Variants in VRK2 observed in about 807,000 individuals in gnomAD.
VRK2 encodes the protein VRK serine/threonine kinase 2, also known as serine/threonine-protein kinase VRK2.
VRK2 carries 60 observed loss-of-function variants against 57.6 expected under a neutral mutation model. The observed-to-expected ratio is 1.04, with a 90% CI of 0.85 to 1.29. The LOEUF (loss-of-function observed/expected upper bound fraction) is 1.29, where lower values mean the gene tolerates loss of function less well. VRK2 is among the 50% of genes most tolerant of loss of function. The pLI is 0.00. For missense variants in VRK2, 705 were observed against 588.1 expected (o/e 1.20, Z -2.06); for synonymous variants, 231 against 199.2 (o/e 1.16, Z -1.35).
chr2:58,059,673 T>A (rs1159533970), intron 2 of VRK2, among the ~76,000 whole-genome samples: 4 of 151,946 alleles, frequency 2.6e-5, no homozygotes, highest in African/African-American at 7.2e-5. Context: ...TATTTCAAGA[T>A]ATTATACAGT....
intron 1 of VRK2, among the ~76,000 whole-genome samples, chr2:58,019,352 C>T (rs887879383): frequency 3.9e-5 from 6 of 152,026 alleles, no homozygotes; most frequent in African/African-American, 1.4e-4. Flanking sequence ...CAGCAGTGGT[C>T]CCATACATGT....
intron 7 of VRK2, among the ~76,000 whole-genome samples, chr2:58,094,313 C>G (rs1672811668): frequency 6.6e-6 from 1 of 152,138 alleles, no homozygotes; most frequent in Non-Finnish European, 1.5e-5. Context: ...AATGTTCTTC[C>G]ATTTGTTTGT....
At chr2:58,040,988 G>A in intron 3 of VRK2, 1 of 957,418 alleles carries the variant, frequency 1.0e-6, no homozygotes, top group Non-Finnish European at 1.2e-6. Context: ...TGAACATTCA[G>A]CTTCTGCTTA....
intron 7 of VRK2, among the ~76,000 whole-genome samples, chr2:58,090,994 G>T (rs1160139553): frequency 6.6e-6 from 1 of 152,224 alleles, no homozygotes; most frequent in Non-Finnish European, 1.5e-5. Flanking sequence ...ATGACATTCT[G>T]GAAAAGGCAA....
chr2:58,060,215 T>C (rs183594788), intron 2 of VRK2, among the ~76,000 whole-genome samples: 21 of 151,926 alleles, frequency 1.4e-4, no homozygotes, highest in Admixed American at 3.9e-4. Flanking sequence ...AATGTTGCTG[T>C]GTGATGAAAA....
chr2:58,023,663 C>T (rs1673832131), intron 1 of VRK2, among the ~76,000 whole-genome samples: 1 of 151,918 alleles, frequency 6.6e-6, no homozygotes, highest in Non-Finnish European at 1.5e-5. Context: ...CAAGGAAATC[C>T]CCAAAGCTTA....
intron 1 of VRK2, among the ~76,000 whole-genome samples, chr2:58,010,732 C>A (rs992479129): frequency 2.0e-5 from 3 of 152,128 alleles, no homozygotes; most frequent in African/African-American, 7.2e-5. Flanking sequence ...TTGTATCCCT[C>A]CCACCCCACA....
At chr2:57,921,673 T>C (rs2103907667) in intron 1 of VRK2, among the ~76,000 whole-genome samples, 1 of 152,276 alleles carries the variant, frequency 6.6e-6, no homozygotes, top group Middle Eastern at 3.4e-3. Context: ...AAGCAACTGC[T>C]AGTTCCCATA....
chr2:57,937,520 T>G (rs1044657327), intron 1 of VRK2, among the ~76,000 whole-genome samples: 14 of 152,242 alleles, frequency 9.2e-5, no homozygotes, highest in Non-Finnish European at 1.6e-4. Flanking sequence ...ATATTTTGAA[T>G]AGTGTAAGTG....
intron 1 of VRK2, among the ~76,000 whole-genome samples, chr2:57,933,711 T>C (rs545639652): frequency 8.0e-4 from 121 of 151,770 alleles, no homozygotes; most frequent in Non-Finnish European, 1.5e-3. Flanking sequence ...GATGGGCAAA[T>C]ATAATCCATT....
intron 1 of VRK2, chr2:58,047,242 G>A (rs781768675): frequency 2.8e-4 from 82 of 294,938 alleles, no homozygotes; most frequent in Non-Finnish European, 4.1e-4. Context: ...AGGCGGCTGG[G>A]CCGCGCTGCT....
intron 1 of VRK2, among the ~76,000 whole-genome samples, chr2:57,938,369 T>C (rs1670984642): frequency 6.6e-6 from 1 of 152,200 alleles, no homozygotes; most frequent in Non-Finnish European, 1.5e-5. Context: ...CTTGGAAATC[T>C]TCAAGGAACT....
intron 1 of VRK2, among the ~76,000 whole-genome samples, chr2:58,004,007 A>G (rs1558535675): frequency 6.6e-6 from 1 of 152,120 alleles, no homozygotes; most frequent in Non-Finnish European, 1.5e-5. Context: ...CATTTTGCAA[A>G]TATTAGGAAA....
intron 1 of VRK2, among the ~76,000 whole-genome samples, chr2:58,016,230 GA>G (rs1673577586): frequency 6.6e-6 from 1 of 151,212 alleles, no homozygotes; most frequent in Non-Finnish European, 1.5e-5. Context: ...GTATGTAAAG[GA>G]GTAAAACTTG....
rs923393040 is a variant in VRK2 at position 58,007,307 on chromosome 2, C to A, written c.-438-18358C>A. Among the ~76,000 whole-genome samples the A allele has an allele frequency of 6.0e-5, 9 of 150,306 alleles. No homozygotes were observed. In the Admixed American group the frequency reaches 6.0e-4, roughly 10 times the overall value. On this transcript the variant is annotated intron_variant, in intron 1 of 15. Coordinates refer to the VRK2 transcript ENST00000417641. ...TTTATGTATGTATATGTAATTGATTCTTTTCTCTGGAAAATCGTGGCTAAC... is the reference window on the plus strand; with the variant it reads ...TTTATGTATGTATATGTAATTGATTATTTTCTCTGGAAAATCGTGGCTAAC...
At chr2:57,976,411 G>A (rs1419602247) in intron 1 of VRK2, among the ~76,000 whole-genome samples, 5 of 151,896 alleles carry the variant, frequency 3.3e-5, no homozygotes, top group South Asian at 2.1e-4. Flanking sequence ...CTGTAACCTC[G>A]CAATCATCTG....
At chr2:57,960,083 C>G (rs1460494956) in intron 1 of VRK2, among the ~76,000 whole-genome samples, 3 of 48,586 alleles carry the variant, frequency 6.2e-5, no homozygotes, top group Non-Finnish European at 1.2e-4. Flanking sequence ...GTGACGGGGG[C>G]TGGGGGGAGA....
chr2:58,117,940 A>C (rs1382803042), intron 7 of VRK2, among the ~76,000 whole-genome samples: 4 of 152,078 alleles, frequency 2.6e-5, no homozygotes, highest in African/African-American at 9.7e-5. Context: ...CTTGCCCTCC[A>C]GAAAAGCAGA....
chr2:57,934,383 T>C (rs1199000649), intron 1 of VRK2, among the ~76,000 whole-genome samples: 1 of 152,184 alleles, frequency 6.6e-6, no homozygotes, highest in African/African-American at 2.4e-5. Context: ...AGGGAAAGTA[T>C]TTTTTTCCAA....
Sources: gnomAD v4.1 joint callset for allele counts (sites outside exome capture counted in the v4.1 genomes callset) on GRCh38, gnomAD v4.1.1 for gene constraint, MANE v1.5 for transcripts, NCBI Gene and HGNC (gene_info 2026-07-23, HGNC 2026-07-21) for gene names.